The following ABCC4 variants were observed in gnomAD, a reference collection of about 807,000 sequenced individuals.
ABCC4 encodes ATP-binding cassette sub-family C member 4.
A neutral mutation model predicts 168.5 loss-of-function variants in ABCC4; 102 were observed. The observed-to-expected ratio is 0.61, with a 90% CI of 0.52 to 0.71. The LOEUF (loss-of-function observed/expected upper bound fraction) is 0.71, where lower values mean the gene tolerates loss of function less well. Among genes scored for constraint, ABCC4 ranks in the 30% least tolerant of loss-of-function variants. The probability of loss-of-function intolerance (pLI) is 0.00; values close to 1 mark genes in which losing one functional copy is unlikely to be tolerated. For missense variants in ABCC4, 1,402 were observed against 1,605.8 expected (o/e 0.87, Z 2.17); for synonymous variants, 617 against 590.7 (o/e 1.04, Z -0.65).
At chr13:95,175,780 A>G (rs2037658397) in intron 13 of ABCC4, among the ~76,000 whole-genome samples, 1 of 152,224 alleles carries the variant, frequency 6.6e-6, no homozygotes. Context: ...GAGGAGCTGC[A>G]CCTGCAGATG....
At chr13:95,259,882 CAT>C (rs2040488420) in intron 1 of ABCC4, among the ~76,000 whole-genome samples, 2 of 150,684 alleles carry the variant, frequency 1.3e-5, no homozygotes, top group Admixed American at 6.6e-5. Context: ...AGATGGGACA[CAT>C]GTGGACACAG....
At chr13:95,240,309 A>G (rs1259525093) in intron 3 of ABCC4, among the ~76,000 whole-genome samples, 1 of 152,226 alleles carries the variant, frequency 6.6e-6, no homozygotes, top group African/African-American at 2.4e-5. Flanking sequence ...AGGCAGGTGG[A>G]CCACTTGAGG....
Position 95,026,403 on chromosome 13 carries a change from A to C in ABCC4, c.3871-4721T>G, listed in dbSNP as rs182288038. ...AACTAAAAAGGATTAAGGAGAAAAT[A>C]GCTTTACAAAATAGACAAAGGACAT... On this transcript the variant is annotated intron_variant, in intron 30 of 30. Transcript: ENST00000645237. Among the ~76,000 whole-genome samples, 21 of 152,342 alleles carry C rather than the reference A, an allele frequency of 1.4e-4. No homozygotes were observed. In the East Asian group the frequency reaches 3.9e-3, roughly 28 times the overall value.
At chr13:95,129,653 T>C (rs561083625) in intron 19 of ABCC4, among the ~76,000 whole-genome samples, 1 of 152,304 alleles carries the variant, frequency 6.6e-6, no homozygotes, top group South Asian at 2.1e-4. Context: ...AAAACATTTG[T>C]AGAAGAAAAA....
intron 19 of ABCC4, among the ~76,000 whole-genome samples, chr13:95,123,020 G>T (rs2035629486): frequency 6.6e-6 from 1 of 152,162 alleles, no homozygotes; most frequent in Non-Finnish European, 1.5e-5. Context: ...TGGAGAAAAT[G>T]AGTTTCAAAA....
At chr13:95,116,098 A>G in intron 19 of ABCC4, 97 bp from the exon 20 acceptor site, 1 of 813,532 alleles carries the variant, frequency 1.2e-6, no homozygotes, top group South Asian at 1.9e-5. Flanking sequence ...TTAAATGCAT[A>G]TGTATTTAAT....
At chr13:95,058,850 G>A (rs1377600559) in intron 26 of ABCC4, among the ~76,000 whole-genome samples, 1 of 152,196 alleles carries the variant, frequency 6.6e-6, no homozygotes, top group Non-Finnish European at 1.5e-5. Flanking sequence ...CTTGCACGGT[G>A]CTGCCAGGCA....
rs114573375 is a variant in ABCC4 at position 95,078,206 on chromosome 13, G to C, written c.2687-2655C>G. Among the ~76,000 whole-genome samples, 965 of 152,162 alleles carry C rather than the reference G, an allele frequency of 6.3e-3. 10 individuals are homozygous for C. Among genetic ancestry groups the C allele is most frequent in the African/African-American group, 0.021 (883 of 41,522 alleles). On this transcript the variant is annotated intron_variant, in intron 21 of 30. Transcript: ENST00000645237. ...CAGAGAGCCTCCCACGAGTCCACAG[G>C]GTTCTCTCTATTCTCTATCTCTGGC...
intron 1 of ABCC4, among the ~76,000 whole-genome samples, chr13:95,251,181 T>C (rs4148434): frequency 0.65 from 98,252 of 151,930 alleles, 31,855 homozygotes; most frequent in East Asian, 0.72. Context: ...TTCTATGAGC[T>C]TCATGTTCCC....
chr13:95,137,447 A>G (rs1474117029), intron 19 of ABCC4, among the ~76,000 whole-genome samples: 2 of 152,332 alleles, frequency 1.3e-5, no homozygotes, highest in Non-Finnish European at 2.9e-5. Context: ...ATATTTTGAA[A>G]ATAATATAGA....
At chr13:95,066,541 A>T (rs16950550) in intron 25 of ABCC4, among the ~76,000 whole-genome samples, 5,726 of 152,348 alleles carry the variant, frequency 0.038, 146 homozygotes, top group Non-Finnish European at 0.051. Flanking sequence ...CATTTATGGG[A>T]AATCTATTGC....
chr13:95,062,381 T>C (rs2033330369), intron 26 of ABCC4, among the ~76,000 whole-genome samples: 1 of 151,912 alleles, frequency 6.6e-6, no homozygotes, highest in South Asian at 2.1e-4. Flanking sequence ...CATAGAAACC[T>C]CCCCAGTGCT....
intron 11 of ABCC4, among the ~76,000 whole-genome samples, chr13:95,179,473 A>G (rs573598137): frequency 1.3e-5 from 2 of 152,330 alleles, no homozygotes; most frequent in East Asian, 1.9e-4. Flanking sequence ...GGATCCAACC[A>G]AAGTTATATT....
intron 1 of ABCC4, among the ~76,000 whole-genome samples, chr13:95,283,524 C>G (rs996542846): frequency 1.3e-5 from 2 of 152,020 alleles, no homozygotes; most frequent in Non-Finnish European, 1.5e-5. Flanking sequence ...TAGCTCCTAA[C>G]TCATTCCCTC....
At chr13:95,163,519 G>C (rs757516250) in intron 17 of ABCC4, 91 bp downstream of exon 17, 62 of 1,196,640 alleles carry the variant, frequency 5.2e-5, no homozygotes, top group Non-Finnish European at 7.3e-5. Context: ...AGAAGAGAAG[G>C]ATCAACAAAC....
intron 20 of ABCC4, among the ~76,000 whole-genome samples, chr13:95,097,621 T>C (rs34856397): frequency 2.7e-5 from 3 of 110,920 alleles, no homozygotes; most frequent in African/African-American, 3.9e-5. Context: ...TTTTTTCAAA[T>C]GCACAGGGGA....
intron 26 of ABCC4, among the ~76,000 whole-genome samples, chr13:95,059,123 C>T (rs867589505): frequency 3.7e-4 from 56 of 152,320 alleles, no homozygotes; most frequent in African/African-American, 1.3e-3. Flanking sequence ...GAGTTCTGAT[C>T]GGGGACTGCG....
intron 27 of ABCC4, among the ~76,000 whole-genome samples, chr13:95,049,424 G>A (rs1021515784): frequency 1.4e-4 from 21 of 151,994 alleles, no homozygotes; most frequent in East Asian, 3.9e-4. Flanking sequence ...GGTGGATCAC[G>A]AGGTCAGGGG....
At chr13:95,154,499 C>G (rs1294806931) in intron 19 of ABCC4, among the ~76,000 whole-genome samples, 3 of 152,204 alleles carry the variant, frequency 2.0e-5, no homozygotes, top group African/African-American at 7.2e-5. Flanking sequence ...TGAAAGGAAA[C>G]ATAGCGAGTG....
Sources: gnomAD v4.1 joint callset for allele counts (sites outside exome capture counted in the v4.1 genomes callset) on GRCh38, gnomAD v4.1.1 for gene constraint, MANE v1.5 for transcripts, NCBI Gene and HGNC (gene_info 2026-07-23, HGNC 2026-07-21) for gene names.